FREM2: variants seen among roughly 807,000 people sequenced by gnomAD.
FREM2 encodes the protein FRAS1-related extracellular matrix protein 2.
A neutral mutation model predicts 219.9 loss-of-function variants in FREM2; 119 were observed. That is an observed-to-expected ratio of 0.54 (90% CI 0.47 to 0.63). The LOEUF is 0.63. Among genes scored for constraint, FREM2 ranks in the 30% least tolerant of loss-of-function variants. The pLI is 0.00. For synonymous variants in FREM2, 1,562 were observed against 1,522.8 expected, an observed-to-expected ratio of 1.03 and a Z score of -0.60; for missense variants, 4,030 against 3,993.6, an observed-to-expected ratio of 1.01 and a Z score of -0.25.
At position 38,834,935 on chromosome 13, in the gene FREM2, AG is replaced by A. The variant is rs1352715989; in HGVS notation, c.6020-11637del. Among the ~76,000 whole-genome samples the A allele has an allele frequency of 1.1e-4, 17 of 152,324 alleles. No individual in the cohort carries two copies. The East Asian group carries it at 3.3e-3, about 29-fold the overall frequency. ...CTGATAATAGTTTCTTTTGCTGTGC[AG>A]AAGCTCTTTAGTTTAATTAGATCTC... On this transcript the variant is annotated intron_variant, in intron 6 of 23. Coordinates refer to ENST00000280481, the MANE Select transcript of FREM2 (RefSeq NM_207361.6).
chr13:38,715,844 CT>C (rs1010644216), intron 2 of FREM2, among the ~76,000 whole-genome samples: 1 of 151,742 alleles, frequency 6.6e-6, no homozygotes, highest in South Asian at 2.1e-4. Context: ...ATAAGAATAC[CT>C]TTTTTTGTGA....
At chr13:38,761,753 A>G (rs993387746) in intron 2 of FREM2, among the ~76,000 whole-genome samples, 6 of 152,152 alleles carry the variant, frequency 3.9e-5, no homozygotes, top group African/African-American at 1.4e-4. Flanking sequence ...TAAGGAATGG[A>G]AAGTGTCAGC....
chr13:38,873,741 G>C (rs1878250061), intron 17 of FREM2, among the ~76,000 whole-genome samples: 1 of 152,166 alleles, frequency 6.6e-6, no homozygotes, highest in African/African-American at 2.4e-5. Flanking sequence ...CAGGAAAACA[G>C]AGTTAATAGT....
intron 2 of FREM2, among the ~76,000 whole-genome samples, chr13:38,749,081 C>T (rs867407600): frequency 3.9e-5 from 6 of 152,068 alleles, no homozygotes; most frequent in African/African-American, 1.4e-4. Context: ...TTTGTGTTCT[C>T]GGCTCTAACA....
At position 38,864,285 on chromosome 13, in the gene FREM2, C is replaced by T. The variant is rs141930377; in HGVS notation, c.7662C>T (p.Pro2554=). The change falls in exon 16 of 24, where the codon CCC becomes CCT. Residue 2554 remains proline, a synonymous_variant. Transcript: ENST00000280481. ...TTCGATTTATCATAGGCATGCTCCC[C>T]GTGATCTCCACTAGAGAGCTTTCCA... ...VTMPHIDGML[P]VISTRELSNF... is the part of the protein sequence containing the mutation. 153 of 1,613,412 alleles carry T rather than the reference C, an allele frequency of 9.5e-5. No homozygotes were observed. In the African/African-American group the frequency reaches 1.5e-3, roughly 16 times the overall value.
chr13:38,872,977 A>C, intron 17 of FREM2, 43 bp downstream of exon 17: 1 of 1,565,370 alleles, frequency 6.4e-7, no homozygotes, highest in South Asian at 1.1e-5. Context: ...TTTGTAACCT[A>C]TTTAAACTAT....
At chr13:38,867,832 C>CT (rs1878026707) in intron 16 of FREM2, among the ~76,000 whole-genome samples, 1 of 152,158 alleles carries the variant, frequency 6.6e-6, no homozygotes, top group South Asian at 2.1e-4. Flanking sequence ...TTTTCTTTTC[C>CT]TTTTTTGTCT....
At chr13:38,782,978 T>G (rs541521491) in intron 4 of FREM2, 92 bp from the exon 5 acceptor site, 1 of 1,448,370 alleles carries the variant, frequency 6.9e-7, no homozygotes, top group African/African-American at 1.4e-5. Context: ...GGGGGAAAAA[T>G]CAATCATTAG....
chr13:38,805,616 A>C (rs768790687), intron 6 of FREM2, among the ~76,000 whole-genome samples: 5 of 151,960 alleles, frequency 3.3e-5, no homozygotes, highest in Non-Finnish European at 5.9e-5. Context: ...TGACATCTAC[A>C]AGAAAGAGAA....
intron 2 of FREM2, among the ~76,000 whole-genome samples, chr13:38,762,562 C>G (rs554126273): frequency 6.6e-6 from 1 of 152,124 alleles, no homozygotes; most frequent in East Asian, 1.9e-4. Flanking sequence ...GCCTCAGCCT[C>G]CCGAGTAGCT....
Position 38,856,228 on chromosome 13 carries a change from C to A in FREM2, c.7028C>A (p.Pro2343His). Residue 2343 changes from proline to histidine, a missense_variant, in exon 12 of 24, where the codon CCT (proline) becomes CAT (histidine). Pro to His is a moderately conservative substitution (Grantham distance 77). Coordinates refer to ENST00000280481, the MANE Select transcript of FREM2 (RefSeq NM_207361.6). ...MREAFTVHLK[P>H]DENMIAEMQL... Reference sequence around the variant, plus strand: ...GAGGCCTTCACTGTTCACCTAAAACCTGATGAAAATATGATAGCAGAGATG... The same window carrying A: ...GAGGCCTTCACTGTTCACCTAAAACATGATGAAAATATGATAGCAGAGATG... 6.2e-7 allele frequency: 1 copy of A among 1,612,800 alleles called. No homozygotes were observed. The highest frequency in any genetic ancestry group is 1.7e-5 in the Admixed American group (1 of 59,994).
intron 16 of FREM2, among the ~76,000 whole-genome samples, chr13:38,866,936 T>C (rs541075362): frequency 2.6e-5 from 4 of 152,348 alleles, no homozygotes; most frequent in African/African-American, 9.6e-5. Flanking sequence ...TGCCCTCTAC[T>C]GTGTTCATTC....
chr13:38,782,920 T>C (rs1874172488), intron 4 of FREM2, 150 bp from the exon 5 acceptor site: 2 of 971,116 alleles, frequency 2.1e-6, no homozygotes, highest in Non-Finnish European at 3.2e-6. Flanking sequence ...TCTTTTCCCC[T>C]CTCCTTCCTC....
intron 2 of FREM2, among the ~76,000 whole-genome samples, chr13:38,761,043 G>A (rs1873206575): frequency 6.6e-6 from 1 of 152,100 alleles, no homozygotes. Flanking sequence ...TCAGGAAAGG[G>A]TTAGAATCAA....
chr13:38,843,453 G>A (rs1877035618), intron 6 of FREM2, among the ~76,000 whole-genome samples: 1 of 144,856 alleles, frequency 6.9e-6, no homozygotes, highest in African/African-American at 2.6e-5. Context: ...AAAAAAAAAA[G>A]TTTACCAAAG....
intron 6 of FREM2, among the ~76,000 whole-genome samples, chr13:38,833,343 C>T (rs182953243): frequency 3.2e-4 from 49 of 152,080 alleles, no homozygotes; most frequent in African/African-American, 1.2e-3. Context: ...ATTTCATTTT[C>T]TGCATATGAA....
At chr13:38,735,959 T>C (rs2137773608) in intron 2 of FREM2, among the ~76,000 whole-genome samples, 1 of 152,256 alleles carries the variant, frequency 6.6e-6, no homozygotes, top group South Asian at 2.1e-4. Flanking sequence ...CCCATGTCTT[T>C]AGGAAAAGGA....
intron 3 of FREM2, among the ~76,000 whole-genome samples, chr13:38,765,027 C>G (rs1329758430): frequency 6.6e-6 from 1 of 152,184 alleles, no homozygotes; most frequent in African/African-American, 2.4e-5. Context: ...TCTCCTGCCT[C>G]AGCCTCTCAA....
At position 38,843,522 on chromosome 13, in the gene FREM2, T is replaced by C. The variant is rs140353770; in HGVS notation, c.6020-3051T>C. On this transcript the variant is annotated intron_variant, in intron 6 of 23. Coordinates refer to ENST00000280481, the MANE Select transcript of FREM2 (RefSeq NM_207361.6). ...ATAATTTTTGAGGGACAAGCAATTA[T>C]TCTGGATTTTGCATAGATACCTTTC... Among the ~76,000 whole-genome samples the C allele has an allele frequency of 4.8e-3, 734 of 152,256 alleles. 6 individuals are homozygous for C. Among genetic ancestry groups the C allele is most frequent in the African/African-American group, 0.017 (710 of 41,550 alleles).
Sources: gnomAD v4.1 joint callset for allele counts (sites outside exome capture counted in the v4.1 genomes callset) on GRCh38, gnomAD v4.1.1 for gene constraint, MANE v1.5 for transcripts, NCBI Gene and HGNC (gene_info 2026-07-23, HGNC 2026-07-21) for gene names.